Variants in RAPSN observed in about 807,000 individuals in gnomAD.
RAPSN encodes receptor associated protein of the synapse, also known as 43 kDa receptor-associated protein of the synapse.
RAPSN carries 33 observed loss-of-function variants against 45.7 expected under a neutral mutation model. That is an observed-to-expected ratio of 0.72 (90% confidence interval 0.55 to 0.97). The LOEUF is 0.97. RAPSN is among the 50% of genes least tolerant of loss of function. The pLI, the probability that RAPSN is intolerant of heterozygous loss-of-function variation, is 0.00. For synonymous variants in RAPSN, 244 were observed against 233.6 expected, an observed-to-expected ratio of 1.04 and a Z score of -0.40; for missense variants, 519 against 559.4, an observed-to-expected ratio of 0.93 and a Z score of 0.73.
chr11:47,439,331 G>A (rs1464099942), intron 6 of RAPSN, among the ~76,000 whole-genome samples: 7 of 152,146 alleles, frequency 4.6e-5, no homozygotes, highest in African/African-American at 9.7e-5. Context: ...AAAATTAGCC[G>A]GGGGTGGTGG....
Position 47,441,113 on chromosome 11 carries a change from A to G in RAPSN, c.966+46T>C, listed in dbSNP as rs779549193. 3.1e-6 allele frequency: 5 copies of G among 1,611,894 alleles called. No individual in the cohort carries two copies. In the South Asian group the frequency reaches 3.3e-5, roughly 11 times the overall value. On this transcript the variant is annotated intron_variant, in intron 6 of 7. Coordinates refer to ENST00000298854, the MANE Select transcript of RAPSN (RefSeq NM_005055.5). ...GCCCTTCCCCAGACCCAAGTTCCCC[A>G]CTTGGGCCCTTGACCCCAGATCCAG...
At chr11:47,447,131 G>A (rs1020147512) in intron 2 of RAPSN, among the ~76,000 whole-genome samples, 2 of 151,946 alleles carry the variant, frequency 1.3e-5, no homozygotes, top group African/African-American at 4.8e-5. Flanking sequence ...TGCCTAGAAT[G>A]CTCTCTCACC....
intron 2 of RAPSN, among the ~76,000 whole-genome samples, chr11:47,444,080 C>T (rs572135302): frequency 1.3e-5 from 2 of 151,802 alleles, no homozygotes; most frequent in South Asian, 4.2e-4. Flanking sequence ...TTTGATCTTT[C>T]ACTTAATATT....
chr11:47,443,931 C>CAAAAAAAAAAAAAAAAAAAAAA (rs1161231934), intron 2 of RAPSN, among the ~76,000 whole-genome samples: 16 of 13,968 alleles, frequency 1.1e-3, no homozygotes, highest in African/African-American at 1.9e-3. Flanking sequence ...CTCTGTCTCA[C>CAAAAAAAAAAAAAAAAAAAAAA]AAAAAAAAAA....
Position 47,447,789 on chromosome 11 carries a change from G to A in RAPSN, c.531+23C>T, listed in dbSNP as rs184399823. The A allele has an allele frequency of 6.4e-5, 103 of 1,599,436 alleles. No homozygotes were observed. Among genetic ancestry groups the A allele is most frequent in the Admixed American group, 8.6e-5 (5 of 57,846 alleles). ...GGGAGCCCCAAAACCCTCCACTGCTGTCCCCCTGGGGTGCAGGCCCACCTT... is the reference window on the plus strand; with the variant it reads ...GGGAGCCCCAAAACCCTCCACTGCTATCCCCCTGGGGTGCAGGCCCACCTT... On this transcript the variant is annotated intron_variant, in intron 2 of 7. Transcript: ENST00000298854.
intron 7 of RAPSN, 60 bp downstream of exon 7, chr11:47,438,672 G>T: frequency 1.3e-6 from 2 of 1,537,040 alleles, no homozygotes; most frequent in Non-Finnish European, 1.8e-6. Flanking sequence ...AGCCAGCTGG[G>T]CCCTAGAGTG....
chr11:47,439,795 C>G (rs1340723277), intron 6 of RAPSN, among the ~76,000 whole-genome samples: 3 of 150,006 alleles, frequency 2.0e-5, no homozygotes, highest in African/African-American at 7.4e-5. Context: ...TCATGGCAAC[C>G]TCCACCTCCC....
intron 4 of RAPSN, 37 bp downstream of exon 4, chr11:47,441,785 GC>G: frequency 1.3e-6 from 2 of 1,484,554 alleles, no homozygotes. Context: ...CTGTGCCCCT[GC>G]CCCCTGCCCC....
rs770777539 is a variant in RAPSN, at chr11:47,441,904, C to T, written c.708G>A (p.Ala236=). 3.0e-5 allele frequency: 47 copies of T among 1,579,812 alleles called. No individual in the cohort carries two copies. Among genetic ancestry groups the T allele is most frequent in the South Asian group, 9.2e-5 (8 of 86,812 alleles). The part of the protein sequence containing the change: ...MECCEESMKI[A]LQHGDRPLQA... ...GCAGTGGCCGGTCCCCGTGCTGCAGCGCGATCTTCATAGACTCCTGCGAGG... is the reference window on the plus strand; with the variant it reads ...GCAGTGGCCGGTCCCCGTGCTGCAGTGCGATCTTCATAGACTCCTGCGAGG... Residue 236 remains alanine (A), a synonymous_variant, in exon 4 of 8, where the codon GCG becomes GCA. Coordinates refer to ENST00000298854, the MANE Select transcript of RAPSN (RefSeq NM_005055.5).
chr11:47,443,405 A>C (rs556236929), intron 2 of RAPSN, among the ~76,000 whole-genome samples: 2 of 152,286 alleles, frequency 1.3e-5, no homozygotes, highest in South Asian at 2.1e-4. Context: ...TCCACGAGGA[A>C]AAGGAAGAAA....
chr11:47,439,925 C>G (rs1292016569), intron 6 of RAPSN, among the ~76,000 whole-genome samples: 2 of 152,038 alleles, frequency 1.3e-5, no homozygotes, highest in African/African-American at 2.4e-5. Flanking sequence ...GTTGGTCAGG[C>G]TGATCTCAGG....
At position 47,448,898 on chromosome 11, in the gene RAPSN, C is replaced by T. The variant is rs751215764; in HGVS notation, c.67G>A (p.Glu23Lys). Residue 23 changes from glutamate to lysine, a missense_variant, in exon 1 of 8, where the codon GAG becomes AAG. Glu to Lys is a moderately conservative substitution (Grantham distance 56, BLOSUM62 1). Transcript: ENST00000298854. Reference sequence around the variant, plus strand: ...TTTGTCCACACCTGCAATGCCTTCTCTGTCTGGTTGGACTGGTACAGCTGG... The same window carrying T: ...TTTGTCCACACCTGCAATGCCTTCTTTGTCTGGTTGGACTGGTACAGCTGG... ...GLQLYQSNQT[E>K]KALQVWTKVL... The T allele has an allele frequency of 5.6e-6, 9 of 1,614,252 alleles. No individual in the cohort carries two copies. In the South Asian group the frequency reaches 9.9e-5, roughly 18 times the overall value.
At position 47,442,754 on chromosome 11, in the gene RAPSN, T is replaced by C; in HGVS notation, c.592A>G (p.Lys198Glu). 6.2e-7 allele frequency: 1 copy of C among 1,614,290 alleles called. No individual in the cohort carries two copies. The highest frequency in any genetic ancestry group is 8.5e-7 in the Non-Finnish European group (1 of 1,180,058). ...GCCCGGTACTTCAGGCTCCAGCCTTTGCCATAGTTGTTGACAAGCTCTGCC... is the reference window on the plus strand; with the variant it reads ...GCCCGGTACTTCAGGCTCCAGCCTTCGCCATAGTTGTTGACAAGCTCTGCC... ...KAAELVNNYG[K>E]GWSLKYRAMS... is the part of the protein sequence containing the mutation. The change falls in exon 3 of 8, where the codon AAA (lysine) becomes GAA (glutamate). Residue 198 changes from lysine to glutamate, a missense_variant. By Grantham distance (56) the Lys-to-Glu change is moderately conservative. Transcript: ENST00000298854.
At chr11:47,438,682 G>A (rs750566115) in intron 7 of RAPSN, 50 bp downstream of exon 7, 1 of 1,545,988 alleles carries the variant, frequency 6.5e-7, no homozygotes, top group Non-Finnish European at 8.8e-7. Flanking sequence ...GCCCTAGAGT[G>A]CCCCGAAGAG....
Position 47,441,748 on chromosome 11 carries a change from G to A in RAPSN, c.790-15C>T, listed in dbSNP as rs752816353. On this transcript the variant is annotated splice_polypyrimidine_tract_variant and intron_variant, in intron 4 of 7. Transcript: ENST00000298854. ...GGGAAGGCTGTCTGCAGAGCCAGGT[G>A]GGGGATGGAATCAGGCTGTATCAGG... 2 of 1,605,764 alleles carry A rather than the reference G, an allele frequency of 1.2e-6. No individual in the cohort carries two copies. The highest frequency in any genetic ancestry group is 1.7e-6 in the Non-Finnish European group (2 of 1,179,786).
At chr11:47,445,923 C>T (rs1431204686) in intron 2 of RAPSN, among the ~76,000 whole-genome samples, 6 of 151,678 alleles carry the variant, frequency 4.0e-5, no homozygotes, top group African/African-American at 1.4e-4. Flanking sequence ...CAAGCCCACA[C>T]TTGGGCTTTT....
chr11:47,448,764 T>C lies in RAPSN; in HGVS notation c.192+9A>G. ...GACCCTCGAACGCCCCCAGGCCGGG[T>C]ACACCCACCTTCAGCATCTCCTTGT... On this transcript the variant is annotated intron_variant, in intron 1 of 7. Coordinates refer to ENST00000298854, the MANE Select transcript of RAPSN (RefSeq NM_005055.5). 6.2e-7 allele frequency: 1 copy of C among 1,607,386 alleles called. No individual in the cohort carries two copies. Among genetic ancestry groups the C allele is most frequent in the Non-Finnish European group, 8.5e-7 (1 of 1,179,888 alleles).
chr11:47,448,246 C>T, intron 1 of RAPSN, 96 bp from the exon 2 acceptor site: 1 of 1,301,432 alleles, frequency 7.7e-7, no homozygotes, highest in African/African-American at 1.5e-5. Context: ...GGCCCCACAC[C>T]CACCCCCCAG....
chr11:47,442,931 C>T, intron 2 of RAPSN, 117 bp from the exon 3 acceptor site: 1 of 1,525,616 alleles, frequency 6.6e-7, no homozygotes. Flanking sequence ...CGAGTGTCTG[C>T]TCATTCATTG....
Sources: allele counts gnomAD v4.1 joint callset (sites outside exome capture counted in the v4.1 genomes callset), GRCh38; gene constraint gnomAD v4.1.1; transcripts MANE v1.5; gene names NCBI Gene and HGNC (gene_info 2026-07-23, HGNC 2026-07-21).